Variants in PRKAG3 observed in about 807,000 individuals in gnomAD.
The protein encoded by PRKAG3 is 5'-AMP-activated protein kinase subunit gamma-3.
In PRKAG3, 39 loss-of-function variants were observed where a neutral mutation model predicts 56.5. That is an observed-to-expected ratio of 0.69 (90% CI 0.53 to 0.90). PRKAG3 has a LOEUF of 0.90. PRKAG3 is among the 40% of genes least tolerant of loss of function. The pLI is 0.00. For missense variants in PRKAG3, 628 were observed against 627.5 expected (o/e 1.00, Z -0.01); for synonymous variants, 243 against 250.1 (o/e 0.97, Z 0.27).
intron 5 of PRKAG3, 82 bp from the exon 6 acceptor site, chr2:218,828,144 G>T: frequency 7.8e-7 from 1 of 1,279,890 alleles, no homozygotes. Context: ...TCCCCACCCT[G>T]CCAGTGTCCT....
At chr2:218,829,569 G>T (rs1021113078) in intron 4 of PRKAG3, among the ~76,000 whole-genome samples, 1 of 151,568 alleles carries the variant, frequency 6.6e-6, no homozygotes, top group South Asian at 2.1e-4. Context: ...CTTGTGATTT[G>T]CCCACCTCGA....
downstream of PRKAG3, chr2:218,822,961 T>C: frequency 3.0e-6 from 3 of 985,786 alleles, no homozygotes; most frequent in Non-Finnish European, 3.6e-6. Context: ...TTCAGGGACC[T>C]CCAAGCTTGA....
Position 218,831,504 on chromosome 2 carries a change from A to G in PRKAG3, c.34-129T>C, listed in dbSNP as rs114984322. The G allele has an allele frequency of 1.3e-3, 1,265 of 1,001,718 alleles. 12 individuals are homozygous for G. The African/African-American group carries it at 0.019, about 15-fold the overall frequency. The allele number at this position is 1,001,718 out of a possible 1,614,324, so 62.1% of individuals were successfully genotyped here. The stretch of plus-strand genomic sequence containing the variant: ...GCTCAGACACACGCCATACACAGAC[A>G]TGCAGCCATACACAAACACACACAG... On this transcript the variant is annotated intron_variant, in intron 1 of 12. Transcript: ENST00000529249.
intron 1 of PRKAG3, 74 bp downstream of exon 1, chr2:218,831,664 A>G: frequency 6.5e-7 from 1 of 1,550,016 alleles, no homozygotes; most frequent in Non-Finnish European, 8.8e-7. Context: ...ACGCCCACAC[A>G]CACATTCACA....
intron 4 of PRKAG3, among the ~76,000 whole-genome samples, 167 bp downstream of exon 4, chr2:218,829,811 T>A (rs571744907): frequency 3.4e-4 from 51 of 151,856 alleles, no homozygotes; most frequent in Non-Finnish European, 6.9e-4. Context: ...TAACAGAGAG[T>A]AGAAGCTGTC....
intron 4 of PRKAG3, 33 bp downstream of exon 4, chr2:218,829,945 G>A: frequency 1.2e-6 from 2 of 1,603,534 alleles, no homozygotes; most frequent in Non-Finnish European, 1.7e-6. Flanking sequence ...TGGATGGAGA[G>A]TGAGTACAGG....
intron 4 of PRKAG3, 101 bp downstream of exon 4, chr2:218,829,876 AG>A: frequency 6.8e-7 from 1 of 1,463,558 alleles, no homozygotes; most frequent in Non-Finnish European, 9.3e-7. Context: ...GGGGGCTTGC[AG>A]GGGCACCTGG....
rs1184590312 is a variant in PRKAG3 at position 218,827,153 on chromosome 2, G to T, written c.1003-60C>A. 6.2e-7 allele frequency: 1 copy of T among 1,612,672 alleles called. No homozygotes were observed. ...TCCAGCAGCTTCAAGAGGGCTCCCA[G>T]CTCTTCCCCACGACTGCTAGGGCTG... On this transcript the variant is annotated intron_variant, in intron 9 of 12. Coordinates refer to ENST00000529249, the Ensembl canonical transcript of PRKAG3. This position sits in a 1 kb window ranked among gnomAD's most constrained non-coding sequence, Gnocchi z 5.3.
intron 10 of PRKAG3, among the ~76,000 whole-genome samples, chr2:218,825,763 CT>C (rs575179216): frequency 0.091 from 12,294 of 134,784 alleles, 1,554 homozygotes; most frequent in African/African-American, 0.3. Context: ...ATAAAATGCA[CT>C]TTTTTTTTTT....
intron 10 of PRKAG3, among the ~76,000 whole-genome samples, chr2:218,825,061 T>C (rs1943912577): frequency 6.6e-6 from 1 of 152,158 alleles, no homozygotes; most frequent in African/African-American, 2.4e-5. Flanking sequence ...GGATCCTGTT[T>C]TGAACACATC....
intron 3 of PRKAG3, 89 bp from the exon 4 acceptor site, chr2:218,830,470 T>A: frequency 6.8e-7 from 1 of 1,478,410 alleles, no homozygotes; most frequent in South Asian, 1.3e-5. Context: ...ACAGCAGCAG[T>A]GGGAAGCCTG....
intron 12 of PRKAG3, 34 bp downstream of exon 12, chr2:218,824,188 T>C (rs1222450153): frequency 6.2e-6 from 10 of 1,613,990 alleles, no homozygotes; most frequent in Non-Finnish European, 8.5e-6. Flanking sequence ...CTGGGCTATA[T>C]GTGTTGGGGG....
chr2:218,824,375 C>T lies in PRKAG3; in HGVS notation c.1207-7G>A. On this transcript the variant is annotated splice_region_variant and splice_polypyrimidine_tract_variant and intron_variant, in intron 11 of 12. Coordinates refer to ENST00000529249, the Ensembl canonical transcript of PRKAG3. Reference sequence around the variant, plus strand: ...TTTGCTGGGCAGCCAGGTGCTGGGGCAGAGAGAGAAGTATGGCTCCTAGTC... The same window carrying T: ...TTTGCTGGGCAGCCAGGTGCTGGGGTAGAGAGAGAAGTATGGCTCCTAGTC... The T allele has an allele frequency of 6.2e-7, 1 of 1,614,086 alleles. No homozygotes were observed. Among genetic ancestry groups the T allele is most frequent in the Non-Finnish European group, 8.5e-7 (1 of 1,179,994 alleles).
exon 4 of PRKAG3, chr2:218,830,197 C>T: frequency 6.2e-7 from 1 of 1,614,144 alleles, no homozygotes; most frequent in Non-Finnish European, 8.5e-7. Context: ...TGGCTGGGAA[C>T]TCCGTGGCCA....
exon 6 of PRKAG3, chr2:218,828,006 G>C (rs996368287): frequency 6.4e-7 from 1 of 1,572,376 alleles, no homozygotes; most frequent in East Asian, 2.3e-5. Context: ...CTCCTCACCA[G>C]GGGGGACCTG....
At position 218,828,561 on chromosome 2, in the gene PRKAG3, G is replaced by A. The variant is rs138130157; in HGVS notation, c.673C>T (p.Arg225Trp). ...TTGCTGTCCCATAGAGGGGCTGCCC[G>A]CACACCGTTGGCCACCAGAGCAAAG... Residue 225 changes from arginine to tryptophan, a missense_variant, in exon 5 of 13, where the codon CGG becomes TGG. By Grantham distance (101) the Arg-to-Trp change is moderately radical. Transcript: ENST00000529249. 130 of 1,613,540 alleles carry A rather than the reference G, an allele frequency of 8.1e-5. No homozygotes were observed. The highest frequency in any genetic ancestry group is 9.8e-5 in the Non-Finnish European group (116 of 1,179,752).
rs575624324 is a variant in PRKAG3 at position 218,825,716 on chromosome 2, A to G, written c.1169-1140T>C. Among the ~76,000 whole-genome samples, 11 of 152,122 alleles carry G rather than the reference A, an allele frequency of 7.2e-5. No homozygotes were observed. In the East Asian group the frequency reaches 2.1e-3, roughly 29 times the overall value. On this transcript the variant is annotated intron_variant, in intron 10 of 12. Transcript: ENST00000529249. ...AGTGAGAATAAGGATTGGATGTCAG[A>G]CAATAATATGAATTATTCATGGTTT...
At chr2:218,825,535 C>A (rs1943919671) in intron 10 of PRKAG3, among the ~76,000 whole-genome samples, 1 of 151,606 alleles carries the variant, frequency 6.6e-6, no homozygotes, top group Non-Finnish European at 1.5e-5. Context: ...GTAATCCCAG[C>A]TACTCAGGAG....
Position 218,831,725 on chromosome 2 carries a change from G to A in PRKAG3, c.33+13C>T, listed in dbSNP as rs780044281. 3.7e-6 allele frequency: 6 copies of A among 1,609,840 alleles called. No homozygotes were observed. In the South Asian group the frequency reaches 6.7e-5, roughly 18 times the overall value. On this transcript the variant is annotated intron_variant, in intron 1 of 12. Coordinates refer to ENST00000529249, the Ensembl canonical transcript of PRKAG3. ...CAGCTGCCCCGGCTCCGGCTCCCCTGGGACCCCCATACCCTGCGCAGTGCG... is the reference window on the plus strand; with the variant it reads ...CAGCTGCCCCGGCTCCGGCTCCCCTAGGACCCCCATACCCTGCGCAGTGCG...
Sources: gnomAD v4.1 joint callset for allele counts (sites outside exome capture counted in the v4.1 genomes callset) on GRCh38, gnomAD v4.1.1 for gene constraint, Gnocchi (gnomAD v3.1) non-coding constraint, MANE v1.5 for transcripts, NCBI Gene and HGNC (gene_info 2026-07-23, HGNC 2026-07-21) for gene names.